FBXO9: variants seen among roughly 807,000 people sequenced by gnomAD.
FBXO9 encodes the protein F-box protein 9, also known as F-box only protein 9.
A neutral mutation model predicts 63.7 loss-of-function variants in FBXO9; 43 were observed. The observed-to-expected ratio is 0.67, with a 90% CI of 0.53 to 0.87. The LOEUF is 0.87. Ranked by LOEUF, FBXO9 falls within the 40% of genes least tolerant of loss-of-function variation. The probability of loss-of-function intolerance (pLI) is 0.00; values close to 1 mark genes in which losing one functional copy is unlikely to be tolerated. For synonymous variants in FBXO9, 156 were observed against 171.7 expected, an observed-to-expected ratio of 0.91 and a Z score of 0.72; for missense variants, 442 against 533.2, an observed-to-expected ratio of 0.83 and a Z score of 1.68.
intron 1 of FBXO9, among the ~76,000 whole-genome samples, chr6:53,068,674 A>G (rs572526697): frequency 3.3e-4 from 42 of 128,776 alleles, no homozygotes; most frequent in African/African-American, 1.1e-3. Context: ...TTTTTTTGAG[A>G]CAGGGTCTCT....
rs1373667717 is a variant in FBXO9 at position 53,071,048 on chromosome 6, C to A, written c.4-9C>A. On this transcript the variant is annotated splice_polypyrimidine_tract_variant and intron_variant, in intron 1 of 12. Transcript: ENST00000323557. The stretch of plus-strand genomic sequence containing the variant: ...TATGCCTGACATTATTTGGGTTTTC[C>A]CCCCTCAGGCAGAAGCTGAGGAAGA... 1 of 1,565,412 alleles carries A rather than the reference C, an allele frequency of 6.4e-7. No homozygotes were observed. The highest frequency in any genetic ancestry group is 8.7e-7 in the Non-Finnish European group (1 of 1,153,262).
chr6:53,079,424 T>G (rs2127492680), intron 5 of FBXO9, among the ~76,000 whole-genome samples: 1 of 152,292 alleles, frequency 6.6e-6, no homozygotes, highest in African/African-American at 2.4e-5. Flanking sequence ...ACATTAAAAC[T>G]CTAACATTTA....
intron 2 of FBXO9, among the ~76,000 whole-genome samples, chr6:53,071,899 A>G (rs1287866201): frequency 6.6e-6 from 1 of 152,248 alleles, no homozygotes; most frequent in Non-Finnish European, 1.5e-5. Context: ...CTGGAAAAAC[A>G]TCATACAACT....
At chr6:53,066,459 T>G (rs879403699) in intron 1 of FBXO9, among the ~76,000 whole-genome samples, 3 of 152,266 alleles carry the variant, frequency 2.0e-5, no homozygotes, top group Non-Finnish European at 4.4e-5. Flanking sequence ...ATACGTAGTC[T>G]CTGCCCTATG....
At chr6:53,087,719 G>T (rs1035651460) in intron 7 of FBXO9, among the ~76,000 whole-genome samples, 1 of 152,188 alleles carries the variant, frequency 6.6e-6, no homozygotes, top group Non-Finnish European at 1.5e-5. Context: ...TTTGCAGATG[G>T]CTGTTCAACA....
intron 5 of FBXO9, among the ~76,000 whole-genome samples, chr6:53,079,696 C>T (rs1026851944): frequency 2.6e-5 from 4 of 151,978 alleles, no homozygotes; most frequent in Admixed American, 1.3e-4. Context: ...ATAGACAGTA[C>T]AGAGAAAAAA....
Position 53,100,246 on chromosome 6 carries a change from T to C in FBXO9, c.*2416T>C, listed in dbSNP as rs1334179959. On this transcript the variant is annotated 3_prime_UTR_variant, in exon 13 of 13. Transcript: ENST00000323557. ...TATGTAACCTTTTTCTTCTGGTCTT[T>C]GCAAATCCTGCCGTAGAAACTTTTT... 6.7e-6 allele frequency: 1 copy of C among 149,332 alleles called. No homozygotes were observed. The highest frequency in any genetic ancestry group is 1.5e-5 in the Non-Finnish European group (1 of 67,986). The allele number at this position is 149,332 out of a possible 1,614,324, so 9.3% of individuals were successfully genotyped here. A position where few individuals can be genotyped will look rare whatever the true frequency, so the allele number is the denominator to read the frequency against.
rs58776188 is a variant in FBXO9, at chr6:53,087,341, CAA to C, written c.653+4744_653+4745del. ...AAGATGACAGAGTAAGATCCTATCT[CAA>C]AAAAAAAAAAAAAAAAAAAAGAGAT... On this transcript the variant is annotated intron_variant, in intron 7 of 12. Transcript: ENST00000323557. Among the ~76,000 whole-genome samples, 54 of 48,408 alleles carry C rather than the reference CAA, an allele frequency of 1.1e-3. No individual in the cohort carries two copies. In the Middle Eastern group the frequency reaches 0.031, roughly 28 times the overall value. The allele number at this position is 48,408 out of a possible 152,430, so 31.8% of individuals were successfully genotyped here. A position where few individuals can be genotyped will look rare whatever the true frequency, so the allele number is the denominator to read the frequency against.
At chr6:53,073,847 CT>C in intron 3 of FBXO9, 2 of 384,964 alleles carry the variant, frequency 5.2e-6, no homozygotes, top group Non-Finnish European at 9.3e-6. Context: ...TCCTGCATGG[CT>C]TTTTTCTCTG....
At chr6:53,091,407 C>T (rs1469277680) in intron 7 of FBXO9, 3 of 151,882 alleles carry the variant, frequency 2.0e-5, no homozygotes, top group African/African-American at 7.3e-5. Flanking sequence ...CTCGCCCTGT[C>T]CCCTAGGCTG....
intron 2 of FBXO9, among the ~76,000 whole-genome samples, chr6:53,073,167 A>C (rs991363799): frequency 3.3e-5 from 5 of 152,072 alleles, no homozygotes; most frequent in Non-Finnish European, 5.9e-5. Context: ...AATTATTGGA[A>C]GCTTATAACT....
intron 7 of FBXO9, among the ~76,000 whole-genome samples, chr6:53,085,231 AT>A: frequency 6.6e-6 from 1 of 152,228 alleles, no homozygotes; most frequent in Admixed American, 6.5e-5. Context: ...ATTATGCTTG[AT>A]CTTTATTAGC....
At chr6:53,092,879 T>A in intron 9 of FBXO9, 55 bp downstream of exon 9, 1 of 1,193,868 alleles carries the variant, frequency 8.4e-7, no homozygotes, top group Non-Finnish European at 1.2e-6. Flanking sequence ...ATGTATTAGT[T>A]AAATGGACAT....
rs1408819794 is a variant in FBXO9, at chr6:53,092,756, A to G, written c.795A>G (p.Thr265=). Residue 265 remains threonine (T), a synonymous_variant, in exon 9 of 13, where the codon ACA becomes ACG. Coordinates refer to ENST00000323557, the MANE Select transcript of FBXO9 (RefSeq NM_033480.3). The part of the protein sequence containing the change: ...RFDGVYISKT[T]YIRQGEQSLD... ...TAGGCGTGTATATCAGTAAAACCAC[A>G]TATATTCGTCAAGGGGAACAGTCTC... 1 of 1,611,772 alleles carries G rather than the reference A, an allele frequency of 6.2e-7. No homozygotes were observed. The highest frequency in any genetic ancestry group is 8.5e-7 in the Non-Finnish European group (1 of 1,178,708).
chr6:53,067,470 T>G (rs758117764), intron 1 of FBXO9, among the ~76,000 whole-genome samples: 1 of 152,182 alleles, frequency 6.6e-6, no homozygotes, highest in African/African-American at 2.4e-5. Context: ...AGATGAACCC[T>G]GAGCTGAATC....
At chr6:53,096,798 T>A (rs1763224986) in intron 12 of FBXO9, among the ~76,000 whole-genome samples, 1 of 152,018 alleles carries the variant, frequency 6.6e-6, no homozygotes, top group Admixed American at 6.6e-5. Flanking sequence ...CCCAGCTAAT[T>A]TGGAGGTTGA....
chr6:53,068,772 C>G (rs1019569017), intron 1 of FBXO9, among the ~76,000 whole-genome samples: 3 of 151,708 alleles, frequency 2.0e-5, no homozygotes, highest in African/African-American at 2.4e-5. Context: ...CTCACCTCAG[C>G]CTCCCGAGTA....
intron 1 of FBXO9, chr6:53,070,830 C>T (rs564029994): frequency 1.5e-4 from 82 of 531,656 alleles, no homozygotes; most frequent in Non-Finnish European, 2.3e-4. Flanking sequence ...TTCACAATAA[C>T]GTGAGTACTG....
At chr6:53,072,946 C>A (rs1041737710) in intron 2 of FBXO9, among the ~76,000 whole-genome samples, 3 of 152,220 alleles carry the variant, frequency 2.0e-5, no homozygotes, top group African/African-American at 7.2e-5. Context: ...TGTTCTCGAA[C>A]TCCTGACCTC....
Sources: gnomAD v4.1 joint callset for allele counts (sites outside exome capture counted in the v4.1 genomes callset) on GRCh38, gnomAD v4.1.1 for gene constraint, MANE v1.5 for transcripts, NCBI Gene and HGNC (gene_info 2026-07-23, HGNC 2026-07-21) for gene names.